FAM13A: variants seen among roughly 807,000 people sequenced by gnomAD.
FAM13A encodes the protein family with sequence similarity 13 member A.
A neutral mutation model predicts 129.6 loss-of-function variants in FAM13A; 76 were observed. That is an observed-to-expected ratio of 0.59 (90% CI 0.49 to 0.71). The LOEUF is 0.71. FAM13A is among the 30% of genes least tolerant of loss of function. FAM13A has a pLI of 0.00. For synonymous variants in FAM13A, 443 were observed against 449.9 expected, an observed-to-expected ratio of 0.98 and a Z score of 0.20; for missense variants, 1,108 against 1,249.3, an observed-to-expected ratio of 0.89 and a Z score of 1.70.
chr4:89,017,566 G>A (rs770420797), intron 3 of FAM13A, among the ~76,000 whole-genome samples: 1 of 152,022 alleles, frequency 6.6e-6, no homozygotes, highest in Non-Finnish European at 1.5e-5. Context: ...GGATTTTTGA[G>A]TACTAAGAAT....
intron 4 of FAM13A, among the ~76,000 whole-genome samples, chr4:88,986,071 T>C (rs562747619): frequency 2.0e-4 from 31 of 151,538 alleles, no homozygotes; most frequent in African/African-American, 7.5e-4. Flanking sequence ...GGTTGAACAG[T>C]ATAGAAAGAA....
chr4:88,987,781 G>T (rs1353387477), intron 4 of FAM13A, among the ~76,000 whole-genome samples: 2 of 134,028 alleles, frequency 1.5e-5, no homozygotes, highest in African/African-American at 5.7e-5. Flanking sequence ...GGCGGAGCTT[G>T]CAGTGAGCCA....
At chr4:88,805,759 C>T (rs1031237493) in intron 7 of FAM13A, among the ~76,000 whole-genome samples, 1 of 151,976 alleles carries the variant, frequency 6.6e-6, no homozygotes. Flanking sequence ...GCCACAAACT[C>T]CCAGGCTCAA....
chr4:88,877,595 T>C (rs998852680), intron 6 of FAM13A, among the ~76,000 whole-genome samples: 3 of 152,232 alleles, frequency 2.0e-5, no homozygotes. Flanking sequence ...ATCAAAATGC[T>C]AAGAGTAATT....
In FAM13A at chr4:88,790,513, T is replaced by C. The variant is rs953527831; in HGVS notation, c.1091+73A>G. On this transcript the variant is annotated intron_variant, in intron 9 of 23. Coordinates refer to ENST00000264344, the MANE Select transcript of FAM13A (RefSeq NM_014883.4). ...TACACCATTAGAGTTGCTTTTTTTT[T>C]CTGTTTAATAAGTGGGACAGGGCAT... The C allele has an allele frequency of 7.1e-6, 9 of 1,266,626 alleles. No homozygotes were observed. In the East Asian group the frequency reaches 1.2e-4, roughly 16 times the overall value. The allele number at this position is 1,266,626 out of a possible 1,614,324, so 78.5% of individuals were successfully genotyped here.
intron 1 of FAM13A, among the ~76,000 whole-genome samples, chr4:89,035,873 C>T (rs755478322): frequency 1.3e-5 from 2 of 152,160 alleles, no homozygotes; most frequent in Non-Finnish European, 2.9e-5. Context: ...GAACTGTGAG[C>T]CTTTTAAACA....
At chr4:88,963,329 G>A (rs910451583) in intron 4 of FAM13A, among the ~76,000 whole-genome samples, 19 of 146,468 alleles carry the variant, frequency 1.3e-4, no homozygotes, top group African/African-American at 3.8e-4. Context: ...ACTGAGTTTC[G>A]CTCTGTCGCC....
intron 6 of FAM13A, among the ~76,000 whole-genome samples, chr4:88,874,410 T>C (rs560999453): frequency 6.6e-6 from 1 of 152,260 alleles, no homozygotes; most frequent in African/African-American, 2.4e-5. Flanking sequence ...CAGCCCAAAA[T>C]CTCCTTAAGC....
At chr4:89,008,459 T>G (rs1708667) in intron 3 of FAM13A, among the ~76,000 whole-genome samples, 82,152 of 151,968 alleles carry the variant, frequency 0.54, 22,772 homozygotes, top group Middle Eastern at 0.7. Context: ...AGAAACTACT[T>G]CCAGCACCTT....
At chr4:88,729,004 T>C (rs1169928481) in intron 23 of FAM13A, 2 of 159,446 alleles carry the variant, frequency 1.3e-5, no homozygotes, top group African/African-American at 2.4e-5. Context: ...CTCATTCTTA[T>C]ATATTTCATC....
At chr4:88,729,610 C>G (rs931777018) in intron 23 of FAM13A, 6 of 152,212 alleles carry the variant, frequency 3.9e-5, no homozygotes, top group African/African-American at 1.4e-4. Context: ...GGAATTGGAG[C>G]ATCTGGCACG....
intron 6 of FAM13A, among the ~76,000 whole-genome samples, chr4:88,884,272 T>C (rs1479562177): frequency 6.6e-6 from 1 of 151,786 alleles, no homozygotes; most frequent in Non-Finnish European, 1.5e-5. Flanking sequence ...GCTAACCAAA[T>C]CCAACAGCAT....
intron 7 of FAM13A, among the ~76,000 whole-genome samples, chr4:88,815,870 G>C (rs1464287305): frequency 6.6e-6 from 1 of 151,800 alleles, no homozygotes; most frequent in Admixed American, 6.6e-5. Context: ...ATTGACAGAT[G>C]TATGTTTATC....
intron 6 of FAM13A, among the ~76,000 whole-genome samples, chr4:88,866,051 T>C (rs1740378564): frequency 6.6e-6 from 1 of 151,740 alleles, no homozygotes; most frequent in South Asian, 2.1e-4. Flanking sequence ...TTTGTATATA[T>C]ATATACATTT....
intron 6 of FAM13A, among the ~76,000 whole-genome samples, chr4:88,864,513 A>G (rs1387548950): frequency 1.3e-5 from 2 of 152,210 alleles, no homozygotes; most frequent in African/African-American, 4.8e-5. Flanking sequence ...GGTTCAAGCT[A>G]TTCTCCTGCC....
At chr4:88,977,336 G>A (rs1761047142) in intron 4 of FAM13A, among the ~76,000 whole-genome samples, 1 of 152,126 alleles carries the variant, frequency 6.6e-6, no homozygotes, top group South Asian at 2.1e-4. Context: ...GATGTGCAAA[G>A]AGATGAAGCC....
At chr4:88,971,162 G>C (rs1243768127) in intron 4 of FAM13A, among the ~76,000 whole-genome samples, 1 of 152,162 alleles carries the variant, frequency 6.6e-6, no homozygotes, top group African/African-American at 2.4e-5. Context: ...AGCTTGCAGA[G>C]AGCCGAGATC....
chr4:88,737,483 T>C lies in FAM13A; in HGVS notation c.2635A>G (p.Lys879Glu). 6.2e-7 allele frequency: 1 copy of C among 1,613,978 alleles called. No homozygotes were observed. Among genetic ancestry groups the C allele is most frequent in the Non-Finnish European group, 8.5e-7 (1 of 1,179,894 alleles). ...IIEGETASFF[K>E]EIKEEEEGSE... ...GCTGGGGTCTTCACCTTTATCTCCTTGAAGAAGGAAGCAGTTTCGCCCTCG... is the reference window on the plus strand; with the variant it reads ...GCTGGGGTCTTCACCTTTATCTCCTCGAAGAAGGAAGCAGTTTCGCCCTCG... The change falls in exon 21 of 24, where the codon AAG becomes GAG. Residue 879 changes from lysine (K) to glutamate (E), a missense_variant. Physicochemically the swap from Lys to Glu is moderately conservative, Grantham distance 56. This residue lies in a region of FAM13A where 529 missense variants were observed against 621.2 expected (regional missense o/e 0.85). Coordinates refer to ENST00000264344, the MANE Select transcript of FAM13A (RefSeq NM_014883.4).
At chr4:88,893,399 C>T (rs1485265304) in intron 6 of FAM13A, among the ~76,000 whole-genome samples, 3 of 152,184 alleles carry the variant, frequency 2.0e-5, no homozygotes, top group East Asian at 1.9e-4. Flanking sequence ...CCAAGGCGGG[C>T]GGATCACGAG....
Sources: allele counts gnomAD v4.1 joint callset (sites outside exome capture counted in the v4.1 genomes callset), GRCh38; gene constraint gnomAD v4.1.1; regional missense constraint gnomAD v4.1.1; transcripts MANE v1.5; gene names NCBI Gene and HGNC (gene_info 2026-07-23, HGNC 2026-07-21).